Variants in NEB observed in about 807,000 individuals in gnomAD.
NEB encodes nemaline myopathy type 2.
Under a neutral mutation model 952.2 loss-of-function variants are expected in NEB, and 512 were observed. The ratio of observed to expected loss-of-function variants is 0.54; its 90% CI spans 0.50 to 0.58. NEB has a LOEUF of 0.58. Among genes scored for constraint, NEB ranks in the 20% least tolerant of loss-of-function variants. The pLI is 0.00. For missense variants in NEB, 8,428 were observed against 9,231.1 expected (o/e 0.91, Z 3.56); for synonymous variants, 2,900 against 3,149.8 (o/e 0.92, Z 2.66).
rs1200784362 is a variant in NEB at position 151,540,400 on chromosome 2, C to A, written c.20836G>T (p.Val6946Phe). The change falls in exon 138 of 182, where the codon GTT (valine) becomes TTT (phenylalanine). Residue 6946 changes from valine (V) to phenylalanine (F), a missense_variant. Transcript: ENST00000397345. ...CTGATGAGGATTGGCGTATCTGGAA[C>A]CGGAGTGTACTTGTCTTTCATCTTT... ...YEKMKDKYTPVPDTPILIRAK... is the reference protein window; with the variant it reads ...YEKMKDKYTPFPDTPILIRAK... 2 of 1,583,784 alleles carry A rather than the reference C, an allele frequency of 1.3e-6. No individual in the cohort carries two copies. The highest frequency in any genetic ancestry group is 2.3e-5 in the East Asian group (1 of 43,964).
chr2:151,518,936 C>T, intron 155 of NEB, 29 bp downstream of exon 155: 1 of 1,502,696 alleles, frequency 6.7e-7, no homozygotes, highest in Non-Finnish European at 9.3e-7. Flanking sequence ...GTAAAACAAG[C>T]TGTTTCTGGA....
intron 105 of NEB, among the ~76,000 whole-genome samples, chr2:151,576,709 T>C (rs1330926534): frequency 2.6e-5 from 4 of 151,112 alleles, no homozygotes; most frequent in African/African-American, 4.9e-5. Flanking sequence ...TTTTTGTATT[T>C]TTTTTAGTAG....
At chr2:151,692,561 G>A (rs2099565913) in intron 20 of NEB, 199 bp from the exon 21 acceptor site, 2 of 613,690 alleles carry the variant, frequency 3.3e-6, no homozygotes, top group African/African-American at 1.9e-5. Context: ...TAATAATCAT[G>A]AAGATGTTTA....
intron 88 of NEB, among the ~76,000 whole-genome samples, chr2:151,601,132 G>C (rs1364050321): frequency 2.8e-4 from 33 of 118,410 alleles, no homozygotes; most frequent in Admixed American, 1.1e-3. Context: ...TTTTGAGACA[G>C]AGTCTCGCTC....
At chr2:151,508,269 C>G (rs1559362364) in intron 161 of NEB, among the ~76,000 whole-genome samples, 160 bp from the exon 162 acceptor site, 1 of 152,124 alleles carries the variant, frequency 6.6e-6, no homozygotes, top group Non-Finnish European at 1.5e-5. Context: ...AAGGAAGAAC[C>G]CTCTCAGTCA....
chr2:151,591,834 A>G (rs2097284683), intron 95 of NEB, among the ~76,000 whole-genome samples, 200 bp downstream of exon 95: 1 of 152,310 alleles, frequency 6.6e-6, no homozygotes, highest in South Asian at 2.1e-4. Context: ...AAACCATTCC[A>G]TTTTTCCTTC....
At chr2:151,693,492 C>T (rs115664356) in intron 20 of NEB, among the ~76,000 whole-genome samples, 3,409 of 151,840 alleles carry the variant, frequency 0.022, 144 homozygotes, top group African/African-American at 0.078. Context: ...ATTCAACTCC[C>T]ACTTGTAAGT....
chr2:151,608,641 G>C lies in NEB; in HGVS notation c.12366C>G (p.Gly4122=). ...CTGAGCCTTCTGGCATCCAGCCGAT[G>C]CCACGCAGCCACTCCAGGTCTGCCT... The part of the protein sequence containing the change: ...VYKADLEWLR[G]IGWMPEGSVE... The change falls in exon 82 of 182, where the codon GGC becomes GGG. Residue 4122 remains glycine (G), a synonymous_variant. Transcript: ENST00000397345. 1.1e-5 allele frequency: 1 copy of C among 88,238 alleles called. No homozygotes were observed. The highest frequency in any genetic ancestry group is 2.1e-5 in the Non-Finnish European group (1 of 47,872). The allele number at this position is 88,238 out of a possible 1,614,324, so 5.5% of individuals were successfully genotyped here. A position where few individuals can be genotyped will look rare whatever the true frequency, so the allele number is the denominator to read the frequency against.
In NEB at chr2:151,610,552, G is replaced by C. The variant is rs780157705; in HGVS notation, c.11982C>G (p.Ile3994Met). Residue 3994 changes from isoleucine (I) to methionine (M), a missense_variant, in exon 80 of 182, where the codon ATC becomes ATG. By Grantham distance (10) the Ile-to-Met change is conservative. Coordinates refer to ENST00000397345, the MANE Select transcript of NEB (RefSeq NM_001164508.2). ...DYDLRADAISIKSAKASRDIA... is the reference protein window; with the variant it reads ...DYDLRADAISMKSAKASRDIA... The stretch of plus-strand genomic sequence containing the variant: ...TGTCCCTGGAGGCCTTGGCACTTTT[G>C]ATGGAAATAGCATCTGCTCTCAGAT... The C allele has an allele frequency of 5.0e-6, 8 of 1,613,620 alleles. No individual in the cohort carries two copies. The highest frequency in any genetic ancestry group is 4.0e-5 in the African/African-American group (3 of 75,008).
chr2:151,708,684 G>A (rs1042982486), intron 12 of NEB, among the ~76,000 whole-genome samples: 5 of 152,092 alleles, frequency 3.3e-5, no homozygotes, highest in Admixed American at 6.5e-5. Context: ...TCATGTAGTC[G>A]ACTGACCTCT....
chr2:151,642,704 G>A, intron 59 of NEB, 23 bp from the exon 60 acceptor site: 3 of 1,610,572 alleles, frequency 1.9e-6, no homozygotes, highest in African/African-American at 2.7e-5. Flanking sequence ...TTAATAGTAA[G>A]TTGGATTTAT....
chr2:151,547,491 T>C lies in NEB; in HGVS notation c.20305A>G (p.Ile6769Val). ...ACTTGGGGTGTGTATGGCAGAGAGA[T>C]CATGTGGCCCTGCATCTTGAAGAAG... ...SDFFKMQGHM[I>V]SLPYTPQVIH... Residue 6769 changes from isoleucine to valine, a missense_variant, in exon 133 of 182, where the codon ATC (isoleucine) becomes GTC (valine). This residue lies in a region of NEB where 3,374 missense variants were observed against 3,651.5 expected (regional missense o/e 0.92). Coordinates refer to ENST00000397345, the MANE Select transcript of NEB (RefSeq NM_001164508.2). The C allele has an allele frequency of 6.2e-7, 1 of 1,607,786 alleles. No individual in the cohort carries two copies. The highest frequency in any genetic ancestry group is 8.5e-7 in the Non-Finnish European group (1 of 1,177,284).
At chr2:151,554,898 C>G (rs780536140) in intron 125 of NEB, 33 bp downstream of exon 125, 1 of 1,393,416 alleles carries the variant, frequency 7.2e-7, no homozygotes, top group Admixed American at 1.7e-5. Flanking sequence ...CAGAATGTAT[C>G]CTAGTCATTA....
chr2:151,488,464 T>C lies in NEB; in HGVS notation c.25404+1507A>G, dbSNP rs181414006. ...GGGTTTGAGACCAGCCTGGGCAACA[T>C]AGTGAGCCTCTACCAAAAAAAAAAA... is the stretch of plus-strand genomic sequence containing the variant. On this transcript the variant is annotated intron_variant, in intron 181 of 181. Coordinates refer to ENST00000397345, the MANE Select transcript of NEB (RefSeq NM_001164508.2). 1.8e-3 allele frequency among the ~76,000 whole-genome samples: 256 copies of C among 141,786 alleles called. 2 individuals are homozygous for C. The highest frequency in any genetic ancestry group is 6.5e-3 in the African/African-American group (246 of 37,732). 93.0% of individuals were successfully genotyped at this position (141,786 alleles called of 152,430 possible).
intron 5 of NEB, 26 bp downstream of exon 5, chr2:151,727,665 G>A (rs772962072): frequency 6.3e-7 from 1 of 1,592,844 alleles, no homozygotes; most frequent in South Asian, 1.1e-5. Context: ...ATCAAGCCAG[G>A]TTAGCAGAAG....
intron 10 of NEB, among the ~76,000 whole-genome samples, chr2:151,715,776 C>T (rs1399976038): frequency 2.0e-5 from 3 of 152,222 alleles, no homozygotes; most frequent in Non-Finnish European, 4.4e-5. Flanking sequence ...GACTTATATA[C>T]TCAGTTTATA....
In NEB at chr2:151,672,462, A is replaced by G; in HGVS notation, c.4206T>C (p.Asn1402=). The G allele has an allele frequency of 1.2e-6, 2 of 1,613,972 alleles. No homozygotes were observed. Among genetic ancestry groups the G allele is most frequent in the Non-Finnish European group, 8.5e-7 (1 of 1,179,868 alleles). The part of the protein sequence containing the change: ...AAKMAQDVAT[N]VNYKQPLHHY... ...GATGCAATGGCTGTTTGTAGTTGAC[A>G]TTGGTAGCGACATCCTGGGCCATCT... is the stretch of plus-strand genomic sequence containing the variant. The change falls in exon 37 of 182, where the codon AAT becomes AAC. Residue 1402 remains asparagine (N), a synonymous_variant. Transcript: ENST00000397345.
At chr2:151,527,757 C>T (rs536356221) in intron 146 of NEB, among the ~76,000 whole-genome samples, 172 bp from the exon 147 acceptor site, 5 of 152,326 alleles carry the variant, frequency 3.3e-5, no homozygotes, top group African/African-American at 1.2e-4. Context: ...GTCATCCACT[C>T]AGAGGTCATC....
Position 151,706,956 on chromosome 2 carries a change from T to A in NEB, c.1077A>T (p.Ala359=), listed in dbSNP as rs1488760945. Residue 359 remains alanine (A), a synonymous_variant, in exon 13 of 182, where the codon GCA becomes GCT. Transcript: ENST00000397345. ...CTGAAGCAGGAAGCACATTATAATC[T>A]GCTTTTCCTTTATTCTTTTCATAGT... ...KEDYEKNKGK[A]DYNVLPASEN... The A allele has an allele frequency of 5.0e-6, 8 of 1,600,056 alleles. No individual in the cohort carries two copies. The highest frequency in any genetic ancestry group is 5.1e-6 in the Non-Finnish European group (6 of 1,172,124).
Sources: allele counts gnomAD v4.1 joint callset (sites outside exome capture counted in the v4.1 genomes callset), GRCh38; gene constraint gnomAD v4.1.1; regional missense constraint gnomAD v4.1.1; transcripts MANE v1.5; gene names NCBI Gene and HGNC (gene_info 2026-07-23, HGNC 2026-07-21).